Variants in ELFN1 observed in about 807,000 individuals in gnomAD.
The protein encoded by ELFN1 is extracellular leucine rich repeat and fibronectin type III domain containing 1, also known as protein ELFN1.
A neutral mutation model predicts 7.6 loss-of-function variants in ELFN1; 6 were observed. The ratio of observed to expected loss-of-function variants is 0.79; its 90% CI spans 0.43 to 1.56. ELFN1 has a LOEUF of 1.56. Among genes scored for constraint, ELFN1 ranks in the 40% most tolerant of loss-of-function variants. ELFN1 has a pLI of 0.01. For missense variants in ELFN1, 1,169 were observed against 1,232.2 expected (o/e 0.95, Z 0.77); for synonymous variants, 657 against 588.1 (o/e 1.12, Z -1.70).
At chr7:1,686,225 G>C (rs1359103655) in intron 1 of ELFN1, among the ~76,000 whole-genome samples, 1 of 151,102 alleles carries the variant, frequency 6.6e-6, no homozygotes, top group African/African-American at 2.4e-5. Context: ...TGTTGTTTGT[G>C]TAGTAATTGA....
chr7:1,736,569 G>A (rs1583393357), intron 3 of ELFN1, among the ~76,000 whole-genome samples: 1 of 152,212 alleles, frequency 6.6e-6, no homozygotes, highest in Admixed American at 6.5e-5. Flanking sequence ...CACCTCACAC[G>A]CACTGTCCCC....
chr7:1,680,110 T>C (rs1439486677), intron 1 of ELFN1, among the ~76,000 whole-genome samples: 1 of 152,238 alleles, frequency 6.6e-6, no homozygotes, highest in Non-Finnish European at 1.5e-5. Flanking sequence ...CATTCTCCGA[T>C]GCTGGGCTCC....
chr7:1,720,642 T>C (rs1440793588), intron 3 of ELFN1, among the ~76,000 whole-genome samples: 1 of 152,146 alleles, frequency 6.6e-6, no homozygotes, highest in Non-Finnish European at 1.5e-5. Flanking sequence ...CTGAGCTCCT[T>C]AAAAGCTCCT....
At chr7:1,732,964 A>C (rs945200262) in intron 3 of ELFN1, among the ~76,000 whole-genome samples, 1 of 152,086 alleles carries the variant, frequency 6.6e-6, no homozygotes, top group African/African-American at 2.4e-5. Flanking sequence ...GCAGTGGCAC[A>C]ATGTCAGTTC....
rs547569823 is a variant in ELFN1, at chr7:1,745,185, G to A, written c.589G>A (p.Glu197Lys). Residue 197 changes from glutamate to lysine, a missense_variant, in exon 4 of 4, where the codon GAG becomes AAG. This residue lies in a region of ELFN1 where 255 missense variants were observed against 359.6 expected (regional missense o/e 0.71). Transcript: ENST00000424383. ...LYSNPFYCSC[E>K]LLGFLRWLAA... ...CAGCAACCCCTTCTACTGCTCCTGC[G>A]AGCTGCTGGGCTTCCTGCGCTGGCT... 15 of 1,547,080 alleles carry A rather than the reference G, an allele frequency of 9.7e-6. No individual in the cohort carries two copies. Among genetic ancestry groups the A allele is most frequent in the South Asian group, 5.9e-5 (5 of 84,056 alleles).
chr7:1,730,278 G>T (rs1453190159), intron 3 of ELFN1, among the ~76,000 whole-genome samples: 1 of 152,208 alleles, frequency 6.6e-6, no homozygotes, highest in Non-Finnish European at 1.5e-5. Context: ...GGGGAGGGGG[G>T]CCAAGCCTAC....
In ELFN1 at chr7:1,688,157, G is replaced by C. The variant is rs1247447624; in HGVS notation, c.-456+7G>C. ...CAAAGTGCTGGGATTACAGGTATGA[G>C]CCACTGCACCTGGCCCCATTTTTCT... On this transcript the variant is annotated splice_region_variant and intron_variant, in intron 2 of 3. Coordinates refer to ENST00000424383, the MANE Select transcript of ELFN1 (RefSeq NM_001128636.4). The C allele has an allele frequency of 6.6e-6, 1 of 151,478 alleles. No individual in the cohort carries two copies. The highest frequency in any genetic ancestry group is 1.5e-5 in the Non-Finnish European group (1 of 67,964). 9.4% of individuals were successfully genotyped at this position (151,478 alleles called of 1,614,324 possible).
chr7:1,727,665 A>G (rs552182268), intron 3 of ELFN1, among the ~76,000 whole-genome samples: 64 of 152,112 alleles, frequency 4.2e-4, no homozygotes, highest in Middle Eastern at 3.4e-3. Context: ...GTGGCATGCA[A>G]TGGTGTGATC....
At chr7:1,721,759 G>A (rs1452378631) in intron 3 of ELFN1, among the ~76,000 whole-genome samples, 1 of 152,234 alleles carries the variant, frequency 6.6e-6, no homozygotes, top group African/African-American at 2.4e-5. Flanking sequence ...CTGCTGTCCA[G>A]GAGTTTTTGA....
rs767701468 is a variant in ELFN1 at position 1,695,340 on chromosome 7, C to T, written c.-456+7190C>T. On this transcript the variant is annotated intron_variant, in intron 2 of 3. Transcript: ENST00000424383. The surrounding 1 kb of genome is among the most constrained non-coding windows in gnomAD (Gnocchi z 5.1). ...GGCTGCAGCTCAGGGCTCAGGTGTC[C>T]GCGTCGAGGGCACTCCCTAAAGGGC... Among the ~76,000 whole-genome samples the T allele has an allele frequency of 2.0e-4, 30 of 152,282 alleles. No homozygotes were observed. Among genetic ancestry groups the T allele is most frequent in the Non-Finnish European group, 3.4e-4 (23 of 68,030 alleles).
intron 2 of ELFN1, among the ~76,000 whole-genome samples, chr7:1,707,219 C>G (rs972635727): frequency 6.6e-6 from 1 of 152,248 alleles, no homozygotes; most frequent in Non-Finnish European, 1.5e-5. Flanking sequence ...TGATGTCTGG[C>G]TGTTCCGCTT....
intron 1 of ELFN1, among the ~76,000 whole-genome samples, chr7:1,680,414 C>T (rs1778952688): frequency 6.6e-6 from 1 of 152,192 alleles, no homozygotes; most frequent in Non-Finnish European, 1.5e-5. Flanking sequence ...TCACCACCCT[C>T]GGGACAAGAA....
intron 2 of ELFN1, among the ~76,000 whole-genome samples, chr7:1,690,343 TGATG>T (rs754599688): frequency 4.4e-4 from 59 of 133,666 alleles, no homozygotes; most frequent in Non-Finnish European, 7.2e-4. Flanking sequence ...GATATATGGA[TGATG>T]GATGGATGGA....
chr7:1,669,167 G>C (rs529231592), upstream of ELFN1, among the ~76,000 whole-genome samples: 9 of 152,366 alleles, frequency 5.9e-5, no homozygotes, highest in African/African-American at 2.2e-4. Flanking sequence ...CGTCGTGGGC[G>C]TTCATTCACA....
chr7:1,709,905 T>C (rs926937090), intron 3 of ELFN1, among the ~76,000 whole-genome samples: 1 of 152,224 alleles, frequency 6.6e-6, no homozygotes, highest in Non-Finnish European at 1.5e-5. Context: ...TTTTCAGAAA[T>C]AGCAGATATG....
rs976423156 is a variant in ELFN1 at position 1,740,571 on chromosome 7, G to T, written c.-293-3733G>T. ...AGCGAGCCCAGCTGGAAAGGGCTTT[G>T]GGGGGGCCTGTGGTCTGTCCAGAAC... On this transcript the variant is annotated intron_variant, in intron 3 of 3. Coordinates refer to ENST00000424383, the MANE Select transcript of ELFN1 (RefSeq NM_001128636.4). The surrounding 1 kb of genome is among the most constrained non-coding windows in gnomAD (Gnocchi z 5.0). 3.9e-5 allele frequency among the ~76,000 whole-genome samples: 6 copies of T among 152,076 alleles called. No homozygotes were observed. The highest frequency in any genetic ancestry group is 1.2e-4 in the African/African-American group (5 of 41,386).
At chr7:1,704,009 C>T (rs531452607) in intron 2 of ELFN1, among the ~76,000 whole-genome samples, 9 of 152,328 alleles carry the variant, frequency 5.9e-5, no homozygotes, top group African/African-American at 1.4e-4. Flanking sequence ...GGTGTCACTG[C>T]GGTGTGCCTT....
intron 1 of ELFN1, among the ~76,000 whole-genome samples, chr7:1,671,637 G>A (rs960912961): frequency 1.4e-4 from 21 of 152,252 alleles, no homozygotes; most frequent in Non-Finnish European, 2.4e-4. Flanking sequence ...AGCCTTGGGG[G>A]AAACCCCATT....
Position 1,745,850 on chromosome 7 carries a change from C to T in ELFN1, c.1254C>T (p.Tyr418=). ...CCAGCCCCTCCACGGCCACCCACTA[C>T]ATCATGACCATCCTGGGCTGCCTCT... ...PVPSPSTATH[Y]IMTILGCLFG... The change falls in exon 4 of 4, where the codon TAC becomes TAT. Residue 418 remains tyrosine (Y), a synonymous_variant. Transcript: ENST00000424383. 2 of 1,588,310 alleles carry T rather than the reference C, an allele frequency of 1.3e-6. No individual in the cohort carries two copies. Among genetic ancestry groups the T allele is most frequent in the Non-Finnish European group, 8.6e-7 (1 of 1,169,026 alleles).
Sources: gnomAD v4.1 joint callset for allele counts (sites outside exome capture counted in the v4.1 genomes callset) on GRCh38, gnomAD v4.1.1 for gene constraint, gnomAD v4.1.1 regional missense constraint, Gnocchi (gnomAD v3.1) non-coding constraint, MANE v1.5 for transcripts, NCBI Gene and HGNC (gene_info 2026-07-23, HGNC 2026-07-21) for gene names.